KIF20B: variants seen among roughly 807,000 people sequenced by gnomAD.
KIF20B encodes the protein kinesin-like protein KIF20B.
In KIF20B, 188 loss-of-function variants were observed where a neutral mutation model predicts 232.5. The observed-to-expected ratio is 0.81, with a 90% CI of 0.72 to 0.91. The LOEUF is 0.91. Among genes scored for constraint, KIF20B ranks in the 40% least tolerant of loss-of-function variants. KIF20B has a pLI of 0.00. For missense variants in KIF20B, 2,154 were observed against 2,055.9 expected (o/e 1.05, Z -0.92); for synonymous variants, 712 against 683.0 (o/e 1.04, Z -0.66).
chr10:89,727,493 T>C (rs1843216131), intron 16 of KIF20B, among the ~76,000 whole-genome samples: 2 of 152,340 alleles, frequency 1.3e-5, no homozygotes, highest in African/African-American at 4.8e-5. Flanking sequence ...TGCTCTGCCC[T>C]TTTTTGTGTG....
At position 89,707,922 on chromosome 10, in the gene KIF20B, TC is replaced by T. The variant is rs77829662; in HGVS notation, c.148-1244del. ...TTTCCCATCTGTAGAGATAAAAGTT[TC>T]TCTTCATTTATTCTTTTAATATGGT... On this transcript the variant is annotated intron_variant, in intron 2 of 32. Coordinates refer to ENST00000371728, the MANE Select transcript of KIF20B (RefSeq NM_001284259.2). Among the ~76,000 whole-genome samples the T allele has an allele frequency of 3.4e-4, 52 of 152,356 alleles. No homozygotes were observed. The East Asian group carries it at 9.2e-3, about 27-fold the overall frequency.
intron 11 of KIF20B, among the ~76,000 whole-genome samples, 160 bp downstream of exon 11, chr10:89,717,882 A>G (rs985189152): frequency 2.6e-5 from 4 of 152,216 alleles, no homozygotes; most frequent in Non-Finnish European, 4.4e-5. Flanking sequence ...CTTGGATTAA[A>G]GACAATGATA....
chr10:89,709,685 T>A (rs1453161673), intron 4 of KIF20B, among the ~76,000 whole-genome samples: 1 of 151,768 alleles, frequency 6.6e-6, no homozygotes, highest in East Asian at 1.9e-4. Context: ...AAAGTTATTA[T>A]TAATATATTT....
chr10:89,711,217 C>A, intron 6 of KIF20B, 72 bp downstream of exon 6: 1 of 934,530 alleles, frequency 1.1e-6, no homozygotes, highest in Non-Finnish European at 1.5e-6. Flanking sequence ...ATTGTTTCAC[C>A]ATATATTGGA....
rs372702796 is a variant in KIF20B, at chr10:89,725,108, A to C, written c.1951A>C (p.Thr651Pro). ...IFKDLVGKCD[T>P]REEAAKDICA... is the part of the protein sequence containing the mutation. ...CAAGGATTTGGTTGGTAAATGTGAC[A>C]CTCGAGAAGAAGCAGCGAAAGACAT... The change falls in exon 15 of 33, where the codon ACT (threonine) becomes CCT (proline). Residue 651 changes from threonine (T) to proline (P), a missense_variant. Physicochemically the swap from Thr to Pro is conservative, Grantham distance 38. Transcript: ENST00000371728. 2.5e-6 allele frequency: 4 copies of C among 1,613,988 alleles called. No homozygotes were observed. The highest frequency in any genetic ancestry group is 2.2e-5 in the South Asian group (2 of 91,068).
At chr10:89,736,143 A>G (rs1362700311) in intron 19 of KIF20B, among the ~76,000 whole-genome samples, 1 of 152,224 alleles carries the variant, frequency 6.6e-6, no homozygotes, top group Non-Finnish European at 1.5e-5. Flanking sequence ...ACTTGCAAAC[A>G]TCATATAAAC....
In KIF20B at chr10:89,715,039, G is replaced by C; in HGVS notation, c.797G>C (p.Ser266Thr). Residue 266 changes from serine to threonine, a missense_variant, in exon 8 of 33, where the codon AGT becomes ACT. Physicochemically the swap from Ser to Thr is moderately conservative, Grantham distance 58 (BLOSUM62 1). Transcript: ENST00000371728. Reference sequence around the variant, plus strand: ...CAAGCCAACTTGAATATGGCTAATAGTATAAAATTTTCTGTGTGGGTTTCT... The same window carrying C: ...CAAGCCAACTTGAATATGGCTAATACTATAAAATTTTCTGTGTGGGTTTCT... ...YEQANLNMAN[S>T]IKFSVWVSFF... The C allele has an allele frequency of 6.2e-7, 1 of 1,606,506 alleles. No homozygotes were observed. Among genetic ancestry groups the C allele is most frequent in the Non-Finnish European group, 8.5e-7 (1 of 1,175,452 alleles).
chr10:89,725,906 A>G (rs1482097694), intron 15 of KIF20B, among the ~76,000 whole-genome samples: 2 of 152,186 alleles, frequency 1.3e-5, no homozygotes, highest in East Asian at 3.9e-4. Context: ...GCTGTCAAGC[A>G]AACCTTATGT....
At chr10:89,769,831 G>T (rs1180283385) in intron 31 of KIF20B, among the ~76,000 whole-genome samples, 4 of 151,956 alleles carry the variant, frequency 2.6e-5, no homozygotes, top group African/African-American at 9.7e-5. Flanking sequence ...GGAGTAGTGG[G>T]TTTTTGTGAG....
In KIF20B at chr10:89,756,392, G is replaced by T. The variant is rs150225597; in HGVS notation, c.4503+1719G>T. 3.8e-3 allele frequency among the ~76,000 whole-genome samples: 580 copies of T among 152,254 alleles called. 5 individuals are homozygous for T. Among genetic ancestry groups the T allele is most frequent in the African/African-American group, 0.013 (550 of 41,536 alleles). ...CAATTCCAAACCAGTGGTTTCTCTGGTAGCAATGCCAGCAAGTAATCCCAC... is the reference window on the plus strand; with the variant it reads ...CAATTCCAAACCAGTGGTTTCTCTGTTAGCAATGCCAGCAAGTAATCCCAC... On this transcript the variant is annotated intron_variant, in intron 26 of 32. Coordinates refer to ENST00000371728, the MANE Select transcript of KIF20B (RefSeq NM_001284259.2).
At chr10:89,759,167 A>G (rs528953909) in intron 27 of KIF20B, among the ~76,000 whole-genome samples, 21 of 152,092 alleles carry the variant, frequency 1.4e-4, no homozygotes, top group African/African-American at 4.3e-4. Context: ...TAGAAAATCA[A>G]CAATTTATGG....
chr10:89,728,905 T>TGTGTGTGTGTGTG (rs1843251152), intron 17 of KIF20B, among the ~76,000 whole-genome samples: 1 of 138,024 alleles, frequency 7.2e-6, no homozygotes. Flanking sequence ...TCTTTTTTCT[T>TGTGTGTGTGTGTG]TGTGTGTGTG....
At chr10:89,715,341 A>G (rs3758384) in intron 8 of KIF20B, among the ~76,000 whole-genome samples, 159 bp downstream of exon 8, 46,959 of 151,974 alleles carry the variant, frequency 0.31, 8,169 homozygotes, top group African/African-American at 0.46. Context: ...ATGTTTTGGT[A>G]TATTTATTAA....
intron 19 of KIF20B, among the ~76,000 whole-genome samples, chr10:89,736,041 C>T (rs1007354963): frequency 2.6e-5 from 4 of 152,032 alleles, no homozygotes; most frequent in African/African-American, 7.2e-5. Context: ...GAGTGAATGG[C>T]GGTCAGAAGA....
intron 13 of KIF20B, 93 bp from the exon 14 acceptor site, chr10:89,723,871 A>G (rs927885545): frequency 3.0e-6 from 3 of 1,003,804 alleles, no homozygotes; most frequent in African/African-American, 3.4e-5. Flanking sequence ...ACAATTGACT[A>G]AATGTAAAGT....
At chr10:89,758,911 T>G (rs1462388615) in intron 27 of KIF20B, 29 bp downstream of exon 27, 7 of 1,344,856 alleles carry the variant, frequency 5.2e-6, no homozygotes, top group Non-Finnish European at 7.0e-6. Flanking sequence ...TATGCCTTTT[T>G]AATTGAACAT....
intron 1 of KIF20B, among the ~76,000 whole-genome samples, chr10:89,704,328 T>C (rs573564741): frequency 6.6e-6 from 1 of 152,322 alleles, no homozygotes; most frequent in African/African-American, 2.4e-5. Context: ...TCTAGTAGAT[T>C]CTCAGTAAAT....
intron 26 of KIF20B, among the ~76,000 whole-genome samples, chr10:89,757,829 GTTCTTTTT>G (rs1842160139): frequency 6.7e-6 from 1 of 150,328 alleles, no homozygotes; most frequent in Non-Finnish European, 1.5e-5. Context: ...TAGGGTTGGG[GTTCTTTTT>G]TTTTTTCATT....
rs1427881998 is a variant in KIF20B, at chr10:89,768,725, TTTTG to T, written c.5092-9_5092-6del. 1.3e-6 allele frequency: 2 copies of T among 1,570,546 alleles called. No individual in the cohort carries two copies. Among genetic ancestry groups the T allele is most frequent in the Non-Finnish European group, 1.7e-6 (2 of 1,164,534 alleles). On this transcript the variant is annotated splice_polypyrimidine_tract_variant and intron_variant, in intron 30 of 32. Transcript: ENST00000371728. ...TTCTCATCAACAATAACAAAAAATG[TTTTG>T]TTTATTAGGTTGCCATACGTCCATC...
Sources: allele counts gnomAD v4.1 joint callset (sites outside exome capture counted in the v4.1 genomes callset), GRCh38; gene constraint gnomAD v4.1.1; transcripts MANE v1.5; gene names NCBI Gene and HGNC (gene_info 2026-07-23, HGNC 2026-07-21).